Variants in CABIN1 observed in about 807,000 individuals in gnomAD.
The protein encoded by CABIN1 is calcineurin-binding protein cabin-1.
In CABIN1, 133 loss-of-function variants were observed where a neutral mutation model predicts 227.7. The ratio of observed to expected loss-of-function variants is 0.58; its 90% CI spans 0.51 to 0.67. The LOEUF (loss-of-function observed/expected upper bound fraction) is 0.67. Among genes scored for constraint, CABIN1 ranks in the 30% least tolerant of loss-of-function variants. CABIN1 has a pLI of 0.00. For missense variants in CABIN1, 2,408 were observed against 2,852.5 expected (o/e 0.84, Z 3.55); for synonymous variants, 1,086 against 1,155.1 (o/e 0.94, Z 1.21).
chr22:24,079,121 T>C (rs527350251), intron 19 of CABIN1, among the ~76,000 whole-genome samples: 1 of 152,278 alleles, frequency 6.6e-6, no homozygotes, highest in African/African-American at 2.4e-5. Context: ...CCCAACATTA[T>C]TAAAATAGAA....
rs200164122 is a variant in CABIN1 at position 24,060,055 on chromosome 22, G to A, written c.1531G>A (p.Val511Met). 3.2e-5 allele frequency: 51 copies of A among 1,614,104 alleles called. No individual in the cohort carries two copies. The highest frequency in any genetic ancestry group is 3.3e-4 in the Middle Eastern group (2 of 6,062). ...VRWPPGLAEVVLSVYHSWRRH... is the reference protein window; with the variant it reads ...VRWPPGLAEVMLSVYHSWRRH... ...GTGGCCTCCAGGCTTGGCGGAGGTCGTGCTCAGCGTCTACCACAGCTGGAG... is the reference window on the plus strand; with the variant it reads ...GTGGCCTCCAGGCTTGGCGGAGGTCATGCTCAGCGTCTACCACAGCTGGAG... The change falls in exon 12 of 37, where the codon GTG becomes ATG. Residue 511 changes from valine (V) to methionine (M), a missense_variant. Coordinates refer to ENST00000263119, the MANE Select transcript of CABIN1 (RefSeq NM_012295.4).
chr22:24,145,221 T>A (rs2045033335), intron 29 of CABIN1, among the ~76,000 whole-genome samples: 1 of 152,006 alleles, frequency 6.6e-6, no homozygotes, highest in South Asian at 2.1e-4. Context: ...GGGACTGAAT[T>A]GAGGAGCGTC....
chr22:24,107,624 C>A (rs1464838154), intron 26 of CABIN1, among the ~76,000 whole-genome samples: 1 of 152,232 alleles, frequency 6.6e-6, no homozygotes, highest in Non-Finnish European at 1.5e-5. Flanking sequence ...GCCACCTTCA[C>A]TGCCTGCTGG....
intron 29 of CABIN1, among the ~76,000 whole-genome samples, chr22:24,135,076 TCAAACAAA>T (rs1215253960): frequency 6.8e-6 from 1 of 146,640 alleles, no homozygotes; most frequent in African/African-American, 2.5e-5. Context: ...AGACTCTGTC[TCAAACAAA>T]CAAACAAACA....
rs1038172750 is a variant in CABIN1 at position 24,060,117 on chromosome 22, G to A, written c.1593G>A (p.Arg531=). Residue 531 remains arginine, a synonymous_variant, in exon 12 of 37, where the codon AGG becomes AGA. Coordinates refer to ENST00000263119, the MANE Select transcript of CABIN1 (RefSeq NM_012295.4). The part of the protein sequence containing the change: ...HSTSLPNPLL[R]DCSNKHIKDM... ...CCAGCCTGCCCAACCCGCTGCTGAGGGACTGCAGCAACAAGCACATCAAGG... is the reference window on the plus strand; with the variant it reads ...CCAGCCTGCCCAACCCGCTGCTGAGAGACTGCAGCAACAAGCACATCAAGG... The A allele has an allele frequency of 6.2e-7, 1 of 1,613,846 alleles. No individual in the cohort carries two copies. Among genetic ancestry groups the A allele is most frequent in the South Asian group, 1.1e-5 (1 of 91,058 alleles).
intron 29 of CABIN1, among the ~76,000 whole-genome samples, chr22:24,145,444 G>A (rs1012475699): frequency 1.3e-5 from 2 of 152,176 alleles, no homozygotes; most frequent in South Asian, 4.1e-4. Flanking sequence ...TTAAGAAAAC[G>A]AGACAGGCAC....
intron 4 of CABIN1, 79 bp downstream of exon 4, chr22:24,038,540 T>C: frequency 2.1e-6 from 2 of 963,076 alleles, no homozygotes; most frequent in Non-Finnish European, 3.4e-6. Context: ...GGGCCTTACC[T>C]CTGCTCTCCC....
chr22:24,084,772 GA>G lies in CABIN1; in HGVS notation c.3106del (p.Thr1036LeufsTer19). The G allele has an allele frequency of 6.2e-7, 1 of 1,614,176 alleles. No homozygotes were observed. ...GACAAAGTCTCTGCCTACATTGAGGGAACTTCAACTGAGGTGGGCCCACAAC... is the reference window on the plus strand; with the variant it reads ...GACAAAGTCTCTGCCTACATTGAGGGACTTCAACTGAGGTGGGCCCACAAC... ...SLDKVSAYIE[G>X]TSTEVPCLPE... On this transcript the variant is annotated frameshift_variant, in exon 21 of 37. Coordinates refer to ENST00000263119, the MANE Select transcript of CABIN1 (RefSeq NM_012295.4). LOFTEE classifies it high-confidence loss of function.
chr22:24,061,856 A>G (rs2039217537), intron 12 of CABIN1, 91 bp from the exon 13 acceptor site: 2 of 858,902 alleles, frequency 2.3e-6, no homozygotes, highest in Admixed American at 1.8e-5. Context: ...ATCAAAAAGT[A>G]TAGTTTTGTT....
At chr22:24,176,528 CT>C (rs2148830377) in intron 35 of CABIN1, among the ~76,000 whole-genome samples, 1 of 152,300 alleles carries the variant, frequency 6.6e-6, no homozygotes, top group African/African-American at 2.4e-5. Flanking sequence ...TATTCCACCC[CT>C]GGCATCACGG....
chr22:24,017,602 T>C (rs2035397213), intron 1 of CABIN1, among the ~76,000 whole-genome samples: 1 of 152,236 alleles, frequency 6.6e-6, no homozygotes, highest in South Asian at 2.1e-4. Flanking sequence ...ATGACTGGCT[T>C]ATTCGACTTA....
intron 34 of CABIN1, among the ~76,000 whole-genome samples, chr22:24,174,873 A>T (rs961929836): frequency 6.6e-6 from 1 of 151,890 alleles, no homozygotes; most frequent in Non-Finnish European, 1.5e-5. Flanking sequence ...CTCAGCAGCA[A>T]CTGAGATCTC....
intron 28 of CABIN1, among the ~76,000 whole-genome samples, chr22:24,133,087 C>T (rs2044168063): frequency 6.6e-6 from 1 of 152,208 alleles, no homozygotes; most frequent in African/African-American, 2.4e-5. Flanking sequence ...GTCTCTCCTT[C>T]CCCTCAGGGT....
intron 29 of CABIN1, among the ~76,000 whole-genome samples, chr22:24,148,456 T>C (rs10428006): frequency 2.6e-5 from 4 of 152,202 alleles, no homozygotes; most frequent in African/African-American, 9.6e-5. Flanking sequence ...GGAGCCTCAG[T>C]AGGTGTGGCT....
rs1190238990 is a variant in CABIN1 at position 24,121,981 on chromosome 22, G to T, written c.4632+2283G>T. ...GGTACAAAATATGTATTAGGAATTG[G>T]CACCTGTGCAAGGGAAGTGGGGAAG... On this transcript the variant is annotated intron_variant, in intron 28 of 36. Transcript: ENST00000263119. Among the ~76,000 whole-genome samples, 4 of 152,294 alleles carry T rather than the reference G, an allele frequency of 2.6e-5. No individual in the cohort carries two copies. In the South Asian group the frequency reaches 8.3e-4, roughly 32 times the overall value.
At chr22:24,101,914 A>G (rs1397827512) in intron 26 of CABIN1, among the ~76,000 whole-genome samples, 5 of 152,034 alleles carry the variant, frequency 3.3e-5, no homozygotes, top group Non-Finnish European at 2.9e-5. Flanking sequence ...CTACCACTCA[A>G]TGCTGTGTGC....
At chr22:24,133,727 A>G (rs1602268808) in intron 28 of CABIN1, among the ~76,000 whole-genome samples, 2 of 152,168 alleles carry the variant, frequency 1.3e-5, no homozygotes, top group South Asian at 4.1e-4. Context: ...GGCCTGCTCT[A>G]TGGGCCAGTG....
intron 26 of CABIN1, among the ~76,000 whole-genome samples, chr22:24,100,851 G>A (rs932103072): frequency 2.6e-5 from 4 of 152,204 alleles, no homozygotes; most frequent in Admixed American, 1.3e-4. Flanking sequence ...TAATGTCTTC[G>A]TTATGGGTAT....
Position 24,035,451 on chromosome 22 carries a change from GTGGACT to G in CABIN1, c.-66_-61del. On this transcript the variant is annotated 5_prime_UTR_variant, in exon 2 of 37. Coordinates refer to ENST00000263119, the MANE Select transcript of CABIN1 (RefSeq NM_012295.4). The stretch of plus-strand genomic sequence containing the variant: ...GTCCTATTTCCTTTCTAGGAGAGTT[GTGGACT>G]GGGGCAACCTTTGCCAGTGATGAGA... 1 of 1,610,214 alleles carries G rather than the reference GTGGACT, an allele frequency of 6.2e-7. No individual in the cohort carries two copies. Among genetic ancestry groups the G allele is most frequent in the Non-Finnish European group, 8.5e-7 (1 of 1,176,462 alleles).
Sources: gnomAD v4.1 joint callset for allele counts (sites outside exome capture counted in the v4.1 genomes callset) on GRCh38, gnomAD v4.1.1 for gene constraint, MANE v1.5 for transcripts, NCBI Gene and HGNC (gene_info 2026-07-23, HGNC 2026-07-21) for gene names.